Variants in DPP10 observed in about 807,000 individuals in gnomAD.
DPP10 encodes dipeptidyl peptidase like 10.
DPP10 carries 33 observed loss-of-function variants against 120.9 expected under a neutral mutation model. The observed-to-expected ratio is 0.27, with a 90% CI of 0.21 to 0.37. The LOEUF (loss-of-function observed/expected upper bound fraction) is 0.37, where lower values mean the gene tolerates loss of function less well. DPP10 is among the 10% of genes least tolerant of loss of function. The probability of loss-of-function intolerance (pLI) is 1.00; values close to 1 mark genes in which losing one functional copy is unlikely to be tolerated. For missense variants in DPP10, 816 were observed against 942.8 expected (o/e 0.87, Z 1.76); for synonymous variants, 337 against 326.1 (o/e 1.03, Z -0.36).
At chr2:115,032,566 A>T (rs942592962) in intron 1 of DPP10, among the ~76,000 whole-genome samples, 1 of 151,904 alleles carries the variant, frequency 6.6e-6, no homozygotes, top group East Asian at 1.9e-4. Context: ...TAATAAAAGC[A>T]AGTTCCATCT....
At chr2:114,939,982 C>T (rs1213748078) in intron 1 of DPP10, among the ~76,000 whole-genome samples, 5 of 152,082 alleles carry the variant, frequency 3.3e-5, no homozygotes, top group Non-Finnish European at 7.4e-5. Flanking sequence ...GAAATACAGG[C>T]CTATAATAAT....
chr2:115,806,892 T>C (rs1686043243), intron 19 of DPP10, among the ~76,000 whole-genome samples: 1 of 152,104 alleles, frequency 6.6e-6, no homozygotes, highest in Non-Finnish European at 1.5e-5. Flanking sequence ...TCCATGATCA[T>C]ATCCAAAGTG....
intron 1 of DPP10, among the ~76,000 whole-genome samples, chr2:115,130,576 T>C (rs1330268920): frequency 6.6e-6 from 1 of 152,040 alleles, no homozygotes; most frequent in African/African-American, 2.4e-5. Flanking sequence ...AATCTCTCTA[T>C]ACATTTTTTA....
chr2:114,780,027 T>G (rs1352472086), intron 1 of DPP10, among the ~76,000 whole-genome samples: 1 of 151,434 alleles, frequency 6.6e-6, no homozygotes, highest in Non-Finnish European at 1.5e-5. Flanking sequence ...TCCCAGCTAC[T>G]CGGGAGGCTG....
chr2:115,098,467 G>A (rs2048512800), intron 1 of DPP10, among the ~76,000 whole-genome samples: 1 of 151,864 alleles, frequency 6.6e-6, no homozygotes, highest in Admixed American at 6.6e-5. Flanking sequence ...ACACACCTAG[G>A]GTATATGGTA....
chr2:115,094,114 G>A (rs541029592), intron 1 of DPP10, among the ~76,000 whole-genome samples: 3 of 152,074 alleles, frequency 2.0e-5, no homozygotes, highest in East Asian at 1.9e-4. Context: ...TGTGAGTGAC[G>A]GAGTTCAAGT....
At position 114,686,876 on chromosome 2, in the gene DPP10, G is replaced by GA. The variant is rs1207727507; in HGVS notation, c.60+244042dup. ...TGCATTCATCCTCTTCCAAGTAGTA[G>GA]AAAACTTAAAGTCATATCCAACTAT... On this transcript the variant is annotated intron_variant, in intron 1 of 25. Transcript: ENST00000410059. 4.6e-5 allele frequency among the ~76,000 whole-genome samples: 7 copies of GA among 151,874 alleles called. No individual in the cohort carries two copies. The East Asian group carries it at 1.4e-3, about 30-fold the overall frequency.
intron 1 of DPP10, among the ~76,000 whole-genome samples, chr2:114,570,671 C>CA (rs1322895585): frequency 1.7e-3 from 239 of 138,786 alleles, no homozygotes; most frequent in Admixed American, 2.7e-3. Context: ...TAAAAAAATA[C>CA]AAAAAAAAAA....
Position 115,414,629 on chromosome 2 carries a change from A to G in DPP10, c.271+70717A>G, listed in dbSNP as rs137944663. Among the ~76,000 whole-genome samples, 478 of 152,310 alleles carry G rather than the reference A, an allele frequency of 3.1e-3. 2 individuals are homozygous for G. Among genetic ancestry groups the G allele is most frequent in the African/African-American group, 0.011 (457 of 41,578 alleles). ...ATTTTTGAAACATTTTGAGCGTGATATGTATGTACCATCAAACGGAATTGA... is the reference window on the plus strand; with the variant it reads ...ATTTTTGAAACATTTTGAGCGTGATGTGTATGTACCATCAAACGGAATTGA... On this transcript the variant is annotated intron_variant, in intron 3 of 25. Transcript: ENST00000410059.
At chr2:114,466,444 T>C (rs1679385447) in intron 1 of DPP10, among the ~76,000 whole-genome samples, 1 of 152,178 alleles carries the variant, frequency 6.6e-6, no homozygotes, top group Non-Finnish European at 1.5e-5. Flanking sequence ...ACACAATAGT[T>C]GTGAGCACTG....
intron 1 of DPP10, among the ~76,000 whole-genome samples, chr2:114,729,735 G>A (rs1184924211): frequency 6.6e-6 from 1 of 152,198 alleles, no homozygotes; most frequent in African/African-American, 2.4e-5. Flanking sequence ...AGAGACTATT[G>A]TTGTGATCTG....
intron 1 of DPP10, among the ~76,000 whole-genome samples, chr2:114,477,224 C>T (rs1252027699): frequency 6.6e-6 from 1 of 151,800 alleles, no homozygotes; most frequent in Non-Finnish European, 1.5e-5. Flanking sequence ...TCCCAAAGTG[C>T]TGGGATTACA....
intron 1 of DPP10, among the ~76,000 whole-genome samples, chr2:114,832,395 C>T (rs1376732401): frequency 6.6e-6 from 1 of 152,034 alleles, no homozygotes; most frequent in Admixed American, 6.6e-5. Context: ...ATTAGCCGGG[C>T]GTGTTGGTGG....
intron 24 of DPP10, among the ~76,000 whole-genome samples, chr2:115,838,392 G>A (rs112919845): frequency 1.9e-3 from 296 of 152,084 alleles, no homozygotes; most frequent in African/African-American, 6.9e-3. Flanking sequence ...TTGCAAACAC[G>A]GAATAGTAGA....
At chr2:115,391,763 T>G (rs2067332171) in intron 3 of DPP10, among the ~76,000 whole-genome samples, 1 of 152,098 alleles carries the variant, frequency 6.6e-6, no homozygotes, top group Admixed American at 6.6e-5. Context: ...AAAATATTTA[T>G]CCCATTTCTC....
chr2:114,600,852 A>T (rs1160937291), intron 1 of DPP10, among the ~76,000 whole-genome samples: 1 of 151,888 alleles, frequency 6.6e-6, no homozygotes, highest in Non-Finnish European at 1.5e-5. Context: ...GATAGGTTAA[A>T]AGAGTAGTGC....
At chr2:114,476,204 G>A (rs999659869) in intron 1 of DPP10, among the ~76,000 whole-genome samples, 1 of 152,148 alleles carries the variant, frequency 6.6e-6, no homozygotes, top group South Asian at 2.1e-4. Flanking sequence ...TTTCTAATGT[G>A]TATTTAATGG....
At chr2:114,771,932 T>A (rs540098684) in intron 1 of DPP10, among the ~76,000 whole-genome samples, 1 of 152,110 alleles carries the variant, frequency 6.6e-6, no homozygotes, top group Non-Finnish European at 1.5e-5. Context: ...CTCAGGCCAG[T>A]ATGGTACGGT....
chr2:115,134,206 C>T (rs779842467), intron 1 of DPP10, among the ~76,000 whole-genome samples: 23 of 152,142 alleles, frequency 1.5e-4, no homozygotes, highest in Non-Finnish European at 2.8e-4. Flanking sequence ...TACAAATTCA[C>T]AGAACTCCTT....
Sources: gnomAD v4.1 joint callset for allele counts (sites outside exome capture counted in the v4.1 genomes callset) on GRCh38, gnomAD v4.1.1 for gene constraint, MANE v1.5 for transcripts, NCBI Gene and HGNC (gene_info 2026-07-23, HGNC 2026-07-21) for gene names.